Variants in NR4A3 observed in about 807,000 individuals in gnomAD.
NR4A3 encodes nuclear receptor subfamily 4 group A member 3, also known as chondrosarcoma, extraskeletal myxoid, fused to EWS.
In NR4A3, 13 loss-of-function variants were observed where a neutral mutation model predicts 55.6. The observed-to-expected ratio is 0.23, with a 90% CI of 0.15 to 0.37. The LOEUF is 0.37. Among genes scored for constraint, NR4A3 ranks in the 10% least tolerant of loss-of-function variants. NR4A3 has a pLI of 1.00. For missense variants in NR4A3, 646 were observed against 822.8 expected (o/e 0.79, Z 2.63); for synonymous variants, 342 against 357.9 (o/e 0.96, Z 0.50).
chr9:99,828,380 A>G lies in NR4A3; in HGVS notation c.338A>G (p.Gln113Arg). 6.3e-7 allele frequency: 1 copy of G among 1,596,320 alleles called. No individual in the cohort carries two copies. The highest frequency in any genetic ancestry group is 8.5e-7 in the Non-Finnish European group (1 of 1,171,662). Reference protein sequence around the residue: ...HHHHHHQQQHQQPSIPPASSP... With the variant: ...HHHHHHQQQHRQPSIPPASSP... ...CACCACCATCACCAGCAGCAGCATC[A>G]GCAGCCATCCATTCCTCCAGCCTCC... The change falls in exon 3 of 8, where the codon CAG becomes CGG. Residue 113 changes from glutamine to arginine, a missense_variant. By Grantham distance (43) the Gln-to-Arg change is conservative. Around this residue, in one of 5 missense-constraint regions of NR4A3, gnomAD observed 426 missense variants for 429.4 expected, o/e 0.99. Coordinates refer to ENST00000395097, the MANE Select transcript of NR4A3 (RefSeq NM_006981.4). The surrounding 1 kb of genome is among the most constrained non-coding windows in gnomAD (Gnocchi z 7.7).
At chr9:99,840,704 G>GT (rs1359328712) in intron 5 of NR4A3, among the ~76,000 whole-genome samples, 3 of 152,164 alleles carry the variant, frequency 2.0e-5, no homozygotes, top group Non-Finnish European at 2.9e-5. Context: ...CAGCAAGTCA[G>GT]TGCAGAGCCT....
chr9:99,858,545 T>C (rs1827964011), intron 7 of NR4A3, among the ~76,000 whole-genome samples: 3 of 152,236 alleles, frequency 2.0e-5, no homozygotes, highest in African/African-American at 7.2e-5. Flanking sequence ...TAAATATTTG[T>C]TGAAAGAAGT....
In NR4A3 at chr9:99,863,960, C is replaced by T. The variant is rs1828050809; in HGVS notation, c.*93C>T. The T allele has an allele frequency of 7.1e-7, 1 of 1,409,970 alleles. No individual in the cohort carries two copies. The highest frequency in any genetic ancestry group is 2.3e-5 in the Admixed American group (1 of 44,074). 87.3% of individuals were successfully genotyped at this position (1,409,970 alleles called of 1,614,324 possible). On this transcript the variant is annotated 3_prime_UTR_variant, in exon 8 of 8. Transcript: ENST00000395097. ...GTTTGGAAACCTATCATTTCCTGTC[C>T]TTCCTTAAGAGGAAAAGCAGCTCCT...
At chr9:99,838,817 G>A (rs913400101) in intron 5 of NR4A3, among the ~76,000 whole-genome samples, 1 of 152,198 alleles carries the variant, frequency 6.6e-6, no homozygotes, top group African/African-American at 2.4e-5. Context: ...TTTAAAAAGT[G>A]CCATTGGATG....
chr9:99,833,034 T>C (rs940765129), intron 4 of NR4A3, among the ~76,000 whole-genome samples: 1 of 152,230 alleles, frequency 6.6e-6, no homozygotes, highest in Non-Finnish European at 1.5e-5. Context: ...TACATCTTTG[T>C]TCTATTTAAG....
At chr9:99,827,690 C>T (rs147348305) in intron 2 of NR4A3, among the ~76,000 whole-genome samples, 29 of 152,180 alleles carry the variant, frequency 1.9e-4, no homozygotes, top group Non-Finnish European at 3.2e-4. Flanking sequence ...AGCTGAGGAG[C>T]CCACTCCAAT....
At position 99,828,232 on chromosome 9, in the gene NR4A3, G is replaced by A. The variant is rs1332071049; in HGVS notation, c.190G>A (p.Gly64Ser). ...GCCCAGCATCAGTACCTTCGTGGAG[G>A]GCTACTCGAGCAACTACGAACTCAA... ...SLPSISTFVE[G>S]YSSNYELKPS... is the part of the protein sequence containing the mutation. Residue 64 changes from glycine to serine, a missense_variant, in exon 3 of 8, where the codon GGC becomes AGC. Physicochemically the swap from Gly to Ser is moderately conservative, Grantham distance 56 (BLOSUM62 0). This residue lies in a region of NR4A3 where 426 missense variants were observed against 429.4 expected (regional missense o/e 0.99). Transcript: ENST00000395097. This position sits in a 1 kb window ranked among gnomAD's most constrained non-coding sequence, Gnocchi z 7.7. 1.2e-6 allele frequency: 2 copies of A among 1,613,784 alleles called. No homozygotes were observed. Among genetic ancestry groups the A allele is most frequent in the Non-Finnish European group, 1.7e-6 (2 of 1,179,954 alleles).
At chr9:99,830,788 G>A (rs893633169) in intron 3 of NR4A3, among the ~76,000 whole-genome samples, 1 of 152,144 alleles carries the variant, frequency 6.6e-6, no homozygotes, top group Non-Finnish European at 1.5e-5. Flanking sequence ...CAGCAGAAAG[G>A]GGGAAAGAAA....
At chr9:99,856,725 C>T (rs1038992967) in intron 7 of NR4A3, among the ~76,000 whole-genome samples, 4 of 152,196 alleles carry the variant, frequency 2.6e-5, no homozygotes, top group Admixed American at 6.5e-5. Context: ...TAGAGCAGAG[C>T]TTCTCCAGCA....
At position 99,844,988 on chromosome 9, in the gene NR4A3, C is replaced by T. The variant is rs539257088; in HGVS notation, c.1454+140C>T. On this transcript the variant is annotated intron_variant, in intron 6 of 7. Coordinates refer to ENST00000395097, the MANE Select transcript of NR4A3 (RefSeq NM_006981.4). ...ATCAGGCACTAAAAAGACTGAGCAG[C>T]GAGTCACGGAGGGAGCACTAGGCTT... The T allele has an allele frequency of 1.1e-4, 80 of 725,580 alleles. No individual in the cohort carries two copies. The African/African-American group carries it at 1.2e-3, about 11-fold the overall frequency. 44.9% of individuals were successfully genotyped at this position (725,580 alleles called of 1,614,324 possible). A position where few individuals can be genotyped will look rare whatever the true frequency, so the allele number is the denominator to read the frequency against.
chr9:99,852,226 G>A (rs955705915), intron 7 of NR4A3, among the ~76,000 whole-genome samples: 1 of 152,184 alleles, frequency 6.6e-6, no homozygotes, highest in African/African-American at 2.4e-5. Context: ...GCAAGGGCAT[G>A]GCAGTTGAAT....
chr9:99,831,227 C>T (rs565390313), intron 3 of NR4A3, among the ~76,000 whole-genome samples: 2 of 152,246 alleles, frequency 1.3e-5, no homozygotes, highest in South Asian at 2.1e-4. Context: ...GGCATAAAGC[C>T]TTGAGGATGA....
At chr9:99,823,064 C>T (rs1274973535) in intron 1 of NR4A3, among the ~76,000 whole-genome samples, 4 of 152,144 alleles carry the variant, frequency 2.6e-5, no homozygotes, top group African/African-American at 9.7e-5. Flanking sequence ...GCTGACATGC[C>T]GGTTTACACT....
chr9:99,856,152 A>T (rs531337155), intron 7 of NR4A3, among the ~76,000 whole-genome samples: 60 of 152,114 alleles, frequency 3.9e-4, no homozygotes, highest in African/African-American at 1.3e-3. Flanking sequence ...TATTTCTATT[A>T]TTATTACATT....
chr9:99,850,833 C>T (rs1327686943), intron 7 of NR4A3, among the ~76,000 whole-genome samples: 2 of 152,184 alleles, frequency 1.3e-5, no homozygotes, highest in Non-Finnish European at 2.9e-5. Context: ...TCTGAATTCA[C>T]CTATGGTCCC....
chr9:99,841,112 T>A (rs1368044006), intron 5 of NR4A3, among the ~76,000 whole-genome samples: 1 of 151,692 alleles, frequency 6.6e-6, no homozygotes, highest in African/African-American at 2.4e-5. Context: ...GCGCCTGTAG[T>A]CCCAGCTACT....
intron 3 of NR4A3, among the ~76,000 whole-genome samples, chr9:99,829,355 G>A (rs1827395496): frequency 6.6e-6 from 1 of 152,232 alleles, no homozygotes; most frequent in East Asian, 1.9e-4. Context: ...GATAGTGTGT[G>A]CGTACCAAGC....
rs1175058438 is a variant in NR4A3 at position 99,825,614 on chromosome 9, T to C, written c.-176-45T>C. The C allele has an allele frequency of 6.5e-6, 1 of 153,822 alleles. No homozygotes were observed. Among genetic ancestry groups the C allele is most frequent in the Non-Finnish European group, 1.5e-5 (1 of 68,708 alleles). 9.5% of individuals were successfully genotyped at this position (153,822 alleles called of 1,614,324 possible). A position where few individuals can be genotyped will look rare whatever the true frequency, so the allele number is the denominator to read the frequency against. On this transcript the variant is annotated intron_variant, in intron 1 of 7. Coordinates refer to ENST00000395097, the MANE Select transcript of NR4A3 (RefSeq NM_006981.4). This position sits in a 1 kb window ranked among gnomAD's most constrained non-coding sequence, Gnocchi z 5.0. Reference sequence around the variant, plus strand: ...GCCCAGCCCGGGCCGTAGTGACCCATCCTGGTCTCACTGTGACCTATGTCC... The same window carrying C: ...GCCCAGCCCGGGCCGTAGTGACCCACCCTGGTCTCACTGTGACCTATGTCC...
intron 7 of NR4A3, among the ~76,000 whole-genome samples, chr9:99,853,305 T>C (rs947517693): frequency 2.7e-5 from 4 of 150,346 alleles, no homozygotes; most frequent in African/African-American, 9.8e-5. Context: ...AATATACACA[T>C]TGTGTTAGGG....
Sources: gnomAD v4.1 joint callset for allele counts (sites outside exome capture counted in the v4.1 genomes callset) on GRCh38, gnomAD v4.1.1 for gene constraint, gnomAD v4.1.1 regional missense constraint, Gnocchi (gnomAD v3.1) non-coding constraint, MANE v1.5 for transcripts, NCBI Gene and HGNC (gene_info 2026-07-23, HGNC 2026-07-21) for gene names.